Variants in BCAT2 observed in about 807,000 individuals in gnomAD.
BCAT2 encodes branched chain amino acid transaminase 2, also known as branched-chain-amino-acid aminotransferase, mitochondrial.
In BCAT2, 44 loss-of-function variants were observed where a neutral mutation model predicts 52.9. The observed-to-expected ratio is 0.83, with a 90% CI of 0.65 to 1.07. The LOEUF (loss-of-function observed/expected upper bound fraction) is 1.07. Ranked by LOEUF, BCAT2 falls within the 50% of genes least tolerant of loss-of-function variation. The pLI, the probability that BCAT2 is intolerant of heterozygous loss-of-function variation, is 0.00. For missense variants in BCAT2, 478 were observed against 521.8 expected, an observed-to-expected ratio of 0.92 and a Z score of 0.82; for synonymous variants, 215 against 217.1, an observed-to-expected ratio of 0.99 and a Z score of 0.08.
chr19:48,801,502 G>A lies in BCAT2; in HGVS notation c.301-1205C>T, dbSNP rs965012584. Among the ~76,000 whole-genome samples, 21 of 151,818 alleles carry A rather than the reference G, an allele frequency of 1.4e-4. 2 individuals carry two copies. Among genetic ancestry groups the A allele is most frequent in the Admixed American group, 9.9e-4 (15 of 15,212 alleles). ...AAATATCCATCTAGAGAAAAACTACGTTGAATCTCTATTTCACACCTCACA... is the reference window on the plus strand; with the variant it reads ...AAATATCCATCTAGAGAAAAACTACATTGAATCTCTATTTCACACCTCACA... On this transcript the variant is annotated intron_variant, in intron 3 of 10. Transcript: ENST00000316273.
At chr19:48,796,542 C>G in intron 9 of BCAT2, 36 bp downstream of exon 9, 6 of 1,610,316 alleles carry the variant, frequency 3.7e-6, no homozygotes, top group Non-Finnish European at 5.1e-6. Context: ...CCCCTCCCCT[C>G]CTTCCCTCCC....
chr19:48,796,718 C>A lies in BCAT2; in HGVS notation c.925G>T (p.Gly309Cys). Residue 309 changes from glycine to cysteine, a missense_variant and splice_region_variant, in exon 9 of 11, where the codon GGT becomes TGT. By Grantham distance (159) the Gly-to-Cys change is radical. Transcript: ENST00000316273. ...GTGCGCTCCACCACCCGGAACTCAC[C>A]CTGCAGGGCAGTTGGCAGAGACACG... ...QSLLDMAQTWGEFRVVERTIT... is the reference protein window; with the variant it reads ...QSLLDMAQTWCEFRVVERTIT... The A allele has an allele frequency of 6.2e-7, 1 of 1,609,994 alleles. No individual in the cohort carries two copies. Among genetic ancestry groups the A allele is most frequent in the Non-Finnish European group, 8.5e-7 (1 of 1,178,612 alleles).
At chr19:48,802,877 A>G (rs979210673) in intron 3 of BCAT2, among the ~76,000 whole-genome samples, 1 of 152,176 alleles carries the variant, frequency 6.6e-6, no homozygotes, top group Non-Finnish European at 1.5e-5. Context: ...AAGATGGAAA[A>G]AGCTCTTTAA....
Position 48,800,176 on chromosome 19 carries a change from G to A in BCAT2, c.411+11C>T, listed in dbSNP as rs768316773. On this transcript the variant is annotated intron_variant, in intron 4 of 10. Coordinates refer to ENST00000316273, the MANE Select transcript of BCAT2 (RefSeq NM_001190.4). ...CCCTCCTCCCCACCCCGGTGGACCG[G>A]GACCCCTCACCGGCAGGCACAGGCG... The A allele has an allele frequency of 6.2e-7, 1 of 1,613,054 alleles. No homozygotes were observed. The highest frequency in any genetic ancestry group is 2.2e-5 in the East Asian group (1 of 44,854).
intron 3 of BCAT2, among the ~76,000 whole-genome samples, chr19:48,804,452 G>A (rs1177193243): frequency 4.6e-5 from 7 of 152,180 alleles, no homozygotes; most frequent in Non-Finnish European, 1.0e-4. Context: ...GCTGAGGCAG[G>A]AGAATCACTT....
At chr19:48,801,839 G>A (rs1000598893) in intron 3 of BCAT2, among the ~76,000 whole-genome samples, 1 of 151,902 alleles carries the variant, frequency 6.6e-6, no homozygotes, top group African/African-American at 2.4e-5. Context: ...GTTTCACCAC[G>A]TTGGCCAGGC....
At chr19:48,810,221 A>T (rs904406438) in intron 1 of BCAT2, among the ~76,000 whole-genome samples, 1 of 152,220 alleles carries the variant, frequency 6.6e-6, no homozygotes, top group Non-Finnish European at 1.5e-5. Context: ...ACTCAAATAA[A>T]GTCAGGTGTA....
At position 48,795,306 on chromosome 19, in the gene BCAT2, C is replaced by G. The variant is rs2034476201; in HGVS notation, c.*120G>C. On this transcript the variant is annotated 3_prime_UTR_variant, in exon 11 of 11. Transcript: ENST00000316273. ...CAACCACATGGGGGCGCCAGAGACC[C>G]AGACGCCGCCCGCTGGCCTTTTATT... The G allele has an allele frequency of 1.4e-6, 2 of 1,381,536 alleles. No homozygotes were observed. The highest frequency in any genetic ancestry group is 1.9e-5 in the Admixed American group (1 of 51,402). 85.6% of individuals were successfully genotyped at this position (1,381,536 alleles called of 1,614,324 possible). A position where few individuals can be genotyped will look rare whatever the true frequency, so the allele number is the denominator to read the frequency against.
chr19:48,803,842 G>T (rs1159922742), intron 3 of BCAT2, among the ~76,000 whole-genome samples: 2 of 152,004 alleles, frequency 1.3e-5, no homozygotes, highest in Non-Finnish European at 2.9e-5. Flanking sequence ...GCATAACATT[G>T]CCTGCCACTG....
Position 48,797,349 on chromosome 19 carries a change from C to G in BCAT2, c.696-16G>C, listed in dbSNP as rs1179690799. ...CCCATAATTCCTGGTGGAGGGCAGT[C>G]TGGTTGGGTGGGGCAAGGGAGCCCC... On this transcript the variant is annotated splice_polypyrimidine_tract_variant and intron_variant, in intron 6 of 10. Transcript: ENST00000316273. 1 of 1,613,620 alleles carries G rather than the reference C, an allele frequency of 6.2e-7. No homozygotes were observed. Among genetic ancestry groups the G allele is most frequent in the South Asian group, 1.1e-5 (1 of 91,014 alleles).
chr19:48,795,233 C>G lies in BCAT2; in HGVS notation c.*193G>C. The G allele has an allele frequency of 1.5e-6, 1 of 671,316 alleles. No individual in the cohort carries two copies. The highest frequency in any genetic ancestry group is 2.6e-6 in the Non-Finnish European group (1 of 386,296). The allele number at this position is 671,316 out of a possible 1,614,324, so 41.6% of individuals were successfully genotyped here. A position where few individuals can be genotyped will look rare whatever the true frequency, so the allele number is the denominator to read the frequency against. ...GCGGACCTGAACCCGCGACGAGGGG[C>G]TGGGGGCCAAGATGCCTGGGTCGGC... is the stretch of plus-strand genomic sequence containing the variant. On this transcript the variant is annotated 3_prime_UTR_variant, in exon 11 of 11. Coordinates refer to ENST00000316273, the MANE Select transcript of BCAT2 (RefSeq NM_001190.4).
chr19:48,795,238 G>T lies in BCAT2; in HGVS notation c.*188C>A. On this transcript the variant is annotated 3_prime_UTR_variant, in exon 11 of 11. Coordinates refer to ENST00000316273, the MANE Select transcript of BCAT2 (RefSeq NM_001190.4). ...CCTGAACCCGCGACGAGGGGCTGGG[G>T]GCCAAGATGCCTGGGTCGGCCCTTA... is the stretch of plus-strand genomic sequence containing the variant. 1 of 687,996 alleles carries T rather than the reference G, an allele frequency of 1.5e-6. No individual in the cohort carries two copies. The highest frequency in any genetic ancestry group is 2.5e-6 in the Non-Finnish European group (1 of 399,992). 42.6% of individuals were successfully genotyped at this position (687,996 alleles called of 1,614,324 possible).
chr19:48,801,938 T>C (rs950970698), intron 3 of BCAT2, among the ~76,000 whole-genome samples: 2 of 149,200 alleles, frequency 1.3e-5, no homozygotes, highest in African/African-American at 4.9e-5. Flanking sequence ...CGACTGGACT[T>C]TTTTTTTTTT....
intron 1 of BCAT2, chr19:48,810,736 CTTT>C (rs35945446): frequency 0.055 from 38,655 of 704,038 alleles, no homozygotes; most frequent in South Asian, 0.084. Flanking sequence ...CCATGTTTCC[CTTT>C]TTTTTTTTTT....
Position 48,806,685 on chromosome 19 carries a change from C to G in BCAT2, c.132G>C (p.Lys44Asn). Residue 44 changes from lysine to asparagine, a missense_variant, in exon 3 of 11, where the codon AAG becomes AAC. Lys to Asn is a moderately conservative substitution (Grantham distance 94). Coordinates refer to ENST00000316273, the MANE Select transcript of BCAT2 (RefSeq NM_001190.4). The part of the protein sequence containing the change: ...AADLQLEMTQ[K>N]PHKKPGPGEP... ...CGCCGGGGCCAGGCTTCTTATGAGG[C>G]TTCTGTGTCATTTCCAGCTGCAGGT... 1 of 1,613,822 alleles carries G rather than the reference C, an allele frequency of 6.2e-7. No individual in the cohort carries two copies.
Position 48,807,931 on chromosome 19 carries a change from T to C in BCAT2, c.25-857A>G. 3 of 985,770 alleles carry C rather than the reference T, an allele frequency of 3.0e-6. No individual in the cohort carries two copies. Among genetic ancestry groups the C allele is most frequent in the Non-Finnish European group, 2.4e-6 (2 of 830,206 alleles). The allele number at this position is 985,770 out of a possible 1,614,324, so 61.1% of individuals were successfully genotyped here. A position where few individuals can be genotyped will look rare whatever the true frequency, so the allele number is the denominator to read the frequency against. On this transcript the variant is annotated intron_variant, in intron 1 of 10. Coordinates refer to ENST00000316273, the MANE Select transcript of BCAT2 (RefSeq NM_001190.4). This position sits in a 1 kb window ranked among gnomAD's most constrained non-coding sequence, Gnocchi z 4.6. ...GCTGTGTCCAGCAGGCTGGGCCCTC[T>C]CTGGTGACCTTTGACCTCACAAGGC...
chr19:48,807,741 C>G lies in BCAT2; in HGVS notation c.25-667G>C. 2.0e-6 allele frequency: 2 copies of G among 986,446 alleles called. No homozygotes were observed. Among genetic ancestry groups the G allele is most frequent in the Non-Finnish European group, 2.4e-6 (2 of 830,100 alleles). The allele number at this position is 986,446 out of a possible 1,614,324, so 61.1% of individuals were successfully genotyped here. A position where few individuals can be genotyped will look rare whatever the true frequency, so the allele number is the denominator to read the frequency against. On this transcript the variant is annotated intron_variant, in intron 1 of 10. Transcript: ENST00000316273. The surrounding 1 kb of genome is among the most constrained non-coding windows in gnomAD (Gnocchi z 4.6). ...TTATTCTCTGAAGGTATTCGATCAA[C>G]TGGGCTCTGATTACCTGAAATACAA... is the stretch of plus-strand genomic sequence containing the variant.
At chr19:48,808,360 A>T in intron 1 of BCAT2, 1 of 704,014 alleles carries the variant, frequency 1.4e-6, no homozygotes, top group Non-Finnish European at 1.7e-6. Flanking sequence ...ATGGAAGAGG[A>T]AGGATGAGAA....
At position 48,796,970 on chromosome 19, in the gene BCAT2, G is replaced by A; in HGVS notation, c.891C>T (p.Val297=). Residue 297 remains valine, a synonymous_variant, in exon 8 of 11, where the codon GTC becomes GTT. Transcript: ENST00000316273. ...GAGCCATGTCCAGTAGACTCTGTCT[G>A]ACCACTCCAGGCAGGATAACACCAT... The part of the protein sequence containing the change: ...PLNGVILPGV[V]RQSLLDMAQT... 1 of 1,614,178 alleles carries A rather than the reference G, an allele frequency of 6.2e-7. No homozygotes were observed. The highest frequency in any genetic ancestry group is 1.6e-4 in the Middle Eastern group (1 of 6,062).
Sources: allele counts gnomAD v4.1 joint callset (sites outside exome capture counted in the v4.1 genomes callset), GRCh38; gene constraint gnomAD v4.1.1; non-coding constraint Gnocchi (gnomAD v3.1); transcripts MANE v1.5; gene names NCBI Gene and HGNC (gene_info 2026-07-23, HGNC 2026-07-21).